The following JAZF1 variants were observed in gnomAD, a reference collection of about 807,000 sequenced individuals.
JAZF1 encodes the protein JAZF zinc finger 1.
In JAZF1, 8 loss-of-function variants were observed where a neutral mutation model predicts 26.4. The ratio of observed to expected loss-of-function variants is 0.30; its 90% CI spans 0.18 to 0.55. The LOEUF (loss-of-function observed/expected upper bound fraction) is 0.55, where lower values mean the gene tolerates loss of function less well. JAZF1 is among the 20% of genes least tolerant of loss of function. JAZF1 has a pLI of 0.94. For missense variants in JAZF1, 199 were observed against 322.0 expected (o/e 0.62, Z 2.92); for synonymous variants, 126 against 122.3 (o/e 1.03, Z -0.20).
chr7:27,863,641 A>C (rs144646393), intron 3 of JAZF1, among the ~76,000 whole-genome samples: 132 of 152,310 alleles, frequency 8.7e-4, no homozygotes, highest in African/African-American at 3.0e-3. Flanking sequence ...TGGTATCCTT[A>C]AAAGTGACTG....
intron 1 of JAZF1, among the ~76,000 whole-genome samples, chr7:28,009,784 C>T (rs540816777): frequency 3.3e-5 from 5 of 152,290 alleles, no homozygotes; most frequent in African/African-American, 1.2e-4. Flanking sequence ...CACCCACACC[C>T]GGTCACCATT....
chr7:27,865,452 G>T (rs1347918099), intron 3 of JAZF1, among the ~76,000 whole-genome samples: 1 of 152,096 alleles, frequency 6.6e-6, no homozygotes, highest in Non-Finnish European at 1.5e-5. Context: ...AGAAAATGTA[G>T]TTCTTACTAC....
At chr7:28,138,237 A>C (rs1782913614) in intron 1 of JAZF1, among the ~76,000 whole-genome samples, 1 of 152,240 alleles carries the variant, frequency 6.6e-6, no homozygotes, top group Non-Finnish European at 1.5e-5. Flanking sequence ...GGTAGAAGTC[A>C]CAGTGGAAGC....
chr7:27,904,580 C>T (rs961315951), intron 2 of JAZF1, among the ~76,000 whole-genome samples: 2 of 152,154 alleles, frequency 1.3e-5, no homozygotes, highest in Non-Finnish European at 2.9e-5. Context: ...TCCTATGTTT[C>T]ACTTCTTATC....
At chr7:28,009,047 C>G (rs7797538) in intron 1 of JAZF1, among the ~76,000 whole-genome samples, 1 of 152,068 alleles carries the variant, frequency 6.6e-6, no homozygotes, top group Non-Finnish European at 1.5e-5. Context: ...CAGAGAAGCT[C>G]GGGAGACCTC....
intron 1 of JAZF1, among the ~76,000 whole-genome samples, chr7:28,038,920 T>C (rs1183240524): frequency 6.6e-6 from 1 of 152,212 alleles, no homozygotes; most frequent in African/African-American, 2.4e-5. Flanking sequence ...ACTGTTCCTT[T>C]TATCTCTACC....
chr7:28,015,888 T>TC lies in JAZF1; in HGVS notation c.116-23908dup, dbSNP rs550432658. Among the ~76,000 whole-genome samples, 30 of 151,906 alleles carry TC rather than the reference T, an allele frequency of 2.0e-4. 1 individual carries two copies. In the East Asian group the frequency reaches 3.7e-3, roughly 19 times the overall value. ...ACTGCTGTGATGGAGATGCTCTAGG[T>TC]CCCCCCTGCTCCCCAGGCTCCAGGT... On this transcript the variant is annotated intron_variant, in intron 1 of 4. Transcript: ENST00000283928.
At chr7:28,083,576 G>A (rs1784170079) in intron 1 of JAZF1, among the ~76,000 whole-genome samples, 1 of 152,040 alleles carries the variant, frequency 6.6e-6, no homozygotes, top group Non-Finnish European at 1.5e-5. Flanking sequence ...TTGCCGTGAA[G>A]ACTAAAATAC....
At chr7:27,997,043 T>C (rs963927460) in intron 1 of JAZF1, among the ~76,000 whole-genome samples, 1 of 152,012 alleles carries the variant, frequency 6.6e-6, no homozygotes, top group Non-Finnish European at 1.5e-5. Flanking sequence ...CATCAGGAAA[T>C]AAGTTATTTG....
In JAZF1 at chr7:27,895,284, G is replaced by A. The variant is rs1333593762; in HGVS notation, c.321C>T (p.Ser107=). 2 of 1,608,526 alleles carry A rather than the reference G, an allele frequency of 1.2e-6. No homozygotes were observed. Among genetic ancestry groups the A allele is most frequent in the Admixed American group, 1.7e-5 (1 of 59,398 alleles). Residue 107 remains serine (S), a synonymous_variant, in exon 3 of 5, where the codon AGC becomes AGT. Coordinates refer to ENST00000283928, the MANE Select transcript of JAZF1 (RefSeq NM_175061.4). ...TGGGTGGGGTCACGGGGGGAGTAAG[G>A]CTTCCACTGCTGTGGCGTGGGGGAG... ...VSTPPRHSSG[S]LTPPVTPPIT...
At chr7:28,053,935 A>C (rs1182920113) in intron 1 of JAZF1, among the ~76,000 whole-genome samples, 1 of 152,208 alleles carries the variant, frequency 6.6e-6, no homozygotes, top group Non-Finnish European at 1.5e-5. Flanking sequence ...TAAAGCAAAA[A>C]GAAAAGGAAA....
intron 1 of JAZF1, among the ~76,000 whole-genome samples, chr7:28,032,971 G>A (rs1783217954): frequency 6.6e-6 from 1 of 152,124 alleles, no homozygotes. Context: ...ACACAAACGT[G>A]TGTGCCCAAG....
intron 2 of JAZF1, among the ~76,000 whole-genome samples, chr7:27,906,910 A>G (rs1784267830): frequency 6.6e-6 from 1 of 152,248 alleles, no homozygotes; most frequent in African/African-American, 2.4e-5. Context: ...GTGGTATAAA[A>G]CTACAAATAG....
At chr7:28,156,331 C>A (rs977177341) in intron 1 of JAZF1, among the ~76,000 whole-genome samples, 1 of 152,188 alleles carries the variant, frequency 6.6e-6, no homozygotes, top group East Asian at 1.9e-4. Flanking sequence ...GGTCACCTGG[C>A]CAATTGCATG....
chr7:28,006,704 T>C (rs1247467175), intron 1 of JAZF1, among the ~76,000 whole-genome samples: 1 of 152,152 alleles, frequency 6.6e-6, no homozygotes, highest in Non-Finnish European at 1.5e-5. Context: ...GATAAAGCCT[T>C]AAATCTGGGT....
intron 1 of JAZF1, among the ~76,000 whole-genome samples, chr7:28,119,012 T>C (rs1288048422): frequency 6.6e-6 from 1 of 152,194 alleles, no homozygotes; most frequent in Non-Finnish European, 1.5e-5. Flanking sequence ...GAAAGCTCCC[T>C]AGACATGAAC....
chr7:28,090,187 C>G (rs1197771805), intron 1 of JAZF1, among the ~76,000 whole-genome samples: 1 of 152,212 alleles, frequency 6.6e-6, no homozygotes, highest in Admixed American at 6.5e-5. Context: ...TTGAACCTAC[C>G]TCATCGGACT....
intron 2 of JAZF1, among the ~76,000 whole-genome samples, chr7:27,901,794 C>A (rs1784164355): frequency 6.6e-6 from 1 of 152,142 alleles, no homozygotes. Context: ...GTTTTTCTAC[C>A]TGTTAAAATT....
At chr7:27,972,056 A>G (rs1785382718) in intron 2 of JAZF1, among the ~76,000 whole-genome samples, 1 of 152,202 alleles carries the variant, frequency 6.6e-6, no homozygotes. Context: ...GTGTTCTAGA[A>G]GCTGAGGATG....
Sources: allele counts gnomAD v4.1 joint callset (sites outside exome capture counted in the v4.1 genomes callset), GRCh38; gene constraint gnomAD v4.1.1; transcripts MANE v1.5; gene names NCBI Gene and HGNC (gene_info 2026-07-23, HGNC 2026-07-21).